Variants in PRC1 observed in about 807,000 individuals in gnomAD.
PRC1 encodes anaphase spindle elongation 1 homolog.
A neutral mutation model predicts 91.2 loss-of-function variants in PRC1; 54 were observed. The ratio of observed to expected loss-of-function variants is 0.59; its 90% CI spans 0.48 to 0.74. PRC1 has a LOEUF of 0.74. Among genes scored for constraint, PRC1 ranks in the 30% least tolerant of loss-of-function variants. PRC1 has a pLI of 0.00. For missense variants in PRC1, 727 were observed against 746.2 expected (o/e 0.97, Z 0.30); for synonymous variants, 275 against 263.6 (o/e 1.04, Z -0.42).
At position 90,981,928 on chromosome 15, in the gene PRC1, C is replaced by T. The variant is rs758321940; in HGVS notation, c.321G>A (p.Val107=). Residue 107 remains valine, a synonymous_variant, in exon 4 of 15, where the codon GTG becomes GTA. Coordinates refer to ENST00000394249, the MANE Select transcript of PRC1 (RefSeq NM_003981.4). ...LQLEKDLRTQ[V]ELMRKQKKER... is the part of the protein sequence containing the mutation. The stretch of plus-strand genomic sequence containing the variant: ...CCTTTTTCTGTTTTCGCATCAATTC[C>T]ACTTGGGTGCGCAAATCTTTTTCTA... The T allele has an allele frequency of 6.2e-7, 1 of 1,614,186 alleles. No homozygotes were observed. The highest frequency in any genetic ancestry group is 8.5e-7 in the Non-Finnish European group (1 of 1,180,046).
Position 90,966,484 on chromosome 15 carries a change from G to A in PRC1, c.*647C>T. 2.4e-6 allele frequency: 1 copy of A among 424,522 alleles called. No homozygotes were observed. Among genetic ancestry groups the A allele is most frequent in the Non-Finnish European group, 4.8e-6 (1 of 206,324 alleles). 26.3% of individuals were successfully genotyped at this position (424,522 alleles called of 1,614,324 possible). A position where few individuals can be genotyped will look rare whatever the true frequency, so the allele number is the denominator to read the frequency against. On this transcript the variant is annotated 3_prime_UTR_variant, in exon 15 of 15. Transcript: ENST00000394249. ...AAACGCCGAGAAAGCGTTCCGACAAGCATGTGTGTTCATACATGCATACCC... is the reference window on the plus strand; with the variant it reads ...AAACGCCGAGAAAGCGTTCCGACAAACATGTGTGTTCATACATGCATACCC...
At chr15:90,975,366 G>C (rs1010223196) in intron 9 of PRC1, among the ~76,000 whole-genome samples, 4 of 152,166 alleles carry the variant, frequency 2.6e-5, no homozygotes, top group African/African-American at 7.2e-5. Context: ...ACAGGAGTGA[G>C]ACACCACGCC....
rs961385424 is a variant in PRC1, at chr15:90,967,102, G to C, written c.*29C>G. On this transcript the variant is annotated 3_prime_UTR_variant, in exon 15 of 15. Coordinates refer to ENST00000394249, the MANE Select transcript of PRC1 (RefSeq NM_003981.4). ...ATTAGGTCCAGTCTAGGCACAGGAA[G>C]CCACAGCTGGTTGACTGATCAGGGC... 1 of 1,594,742 alleles carries C rather than the reference G, an allele frequency of 6.3e-7. No homozygotes were observed. The highest frequency in any genetic ancestry group is 1.3e-5 in the African/African-American group (1 of 74,634).
rs767534190 is a variant in PRC1 at position 90,969,508 on chromosome 15, G to A, written c.1688C>T (p.Ser563Leu). The A allele has an allele frequency of 1.4e-5, 23 of 1,612,996 alleles. No individual in the cohort carries two copies. Among genetic ancestry groups the A allele is most frequent in the Admixed American group, 3.3e-5 (2 of 59,890 alleles). The change falls in exon 13 of 15, where the codon TCG becomes TTG. Residue 563 changes from serine (S) to leucine (L), a missense_variant. Ser to Leu is a moderately radical substitution (Grantham distance 145). Coordinates refer to ENST00000394249, the MANE Select transcript of PRC1 (RefSeq NM_003981.4). The part of the protein sequence containing the change: ...GSILSGGYPG[S>L]APLQRNFSIN... The stretch of plus-strand genomic sequence containing the variant: ...GCTGAAGTTGCGCTGGAGGGGGGCC[G>A]AGCCAGGGTACCCACCACTCAGGAT...
intron 9 of PRC1, among the ~76,000 whole-genome samples, chr15:90,975,347 C>T (rs921953748): frequency 1.3e-5 from 2 of 151,998 alleles, no homozygotes; most frequent in Non-Finnish European, 2.9e-5. Flanking sequence ...CTCCCAAAGC[C>T]CTGGGATTAC....
At position 90,976,556 on chromosome 15, in the gene PRC1, T is replaced by C. The variant is rs1022919987; in HGVS notation, c.1203+120A>G. ...TTGCTTATACTAAATATATAACTTATTATCTCTGCCTAAGCTTTGAAGAAA... is the reference window on the plus strand; with the variant it reads ...TTGCTTATACTAAATATATAACTTACTATCTCTGCCTAAGCTTTGAAGAAA... On this transcript the variant is annotated intron_variant, in intron 9 of 14. Transcript: ENST00000394249. The C allele has an allele frequency of 1.1e-5, 9 of 822,720 alleles. No individual in the cohort carries two copies. In the Admixed American group the frequency reaches 2.0e-4, roughly 18 times the overall value. 51.0% of individuals were successfully genotyped at this position (822,720 alleles called of 1,614,324 possible).
chr15:90,968,475 G>A, intron 14 of PRC1: 1 of 985,572 alleles, frequency 1.0e-6, no homozygotes, highest in Non-Finnish European at 1.2e-6. Context: ...AGAAATCACA[G>A]ATTAAGTAAA....
At chr15:90,981,440 T>A in intron 5 of PRC1, 59 bp downstream of exon 5, 1 of 1,571,484 alleles carries the variant, frequency 6.4e-7, no homozygotes, top group Non-Finnish European at 8.7e-7. Context: ...CAGCTGTCAG[T>A]TTTGTTCAAA....
At chr15:90,968,004 C>G (rs1596267586) in intron 14 of PRC1, 1 of 985,218 alleles carries the variant, frequency 1.0e-6, no homozygotes, top group South Asian at 4.7e-5. Flanking sequence ...CATGGTAGAG[C>G]AGCAAAAGAT....
rs1408511025 is a variant in PRC1, at chr15:90,980,225, C to T, written c.970+17G>A. 6.3e-7 allele frequency: 1 copy of T among 1,581,954 alleles called. No homozygotes were observed. The highest frequency in any genetic ancestry group is 1.4e-5 in the African/African-American group (1 of 73,176). ...GTCTCCAAACAAACAAACCAAAGAC[C>T]TCACTCTTGTACTAACCAGCACAGA... is the stretch of plus-strand genomic sequence containing the variant. On this transcript the variant is annotated intron_variant, in intron 7 of 14. Transcript: ENST00000394249.
At chr15:90,972,859 G>C (rs561997073) in intron 11 of PRC1, 7 of 152,352 alleles carry the variant, frequency 4.6e-5, no homozygotes, top group African/African-American at 1.7e-4. Context: ...TGGTCTTACA[G>C]GGAAAATGGC....
At chr15:90,967,322 G>T (rs1413510640) in intron 14 of PRC1, 120 bp from the exon 15 acceptor site, 2 of 766,484 alleles carry the variant, frequency 2.6e-6, no homozygotes, top group Non-Finnish European at 4.5e-6. Flanking sequence ...GAGATCCCTA[G>T]CCTGCAATAG....
intron 1 of PRC1, among the ~76,000 whole-genome samples, chr15:90,994,041 G>T (rs2040142441): frequency 6.6e-6 from 1 of 152,196 alleles, no homozygotes; most frequent in South Asian, 2.1e-4. Flanking sequence ...CACCTGAGAC[G>T]CTGCGGGCGG....
chr15:90,979,934 G>C (rs16945120), intron 7 of PRC1, among the ~76,000 whole-genome samples: 3,482 of 152,328 alleles, frequency 0.023, 140 homozygotes, highest in African/African-American at 0.08. Flanking sequence ...CAGAAAGCAA[G>C]AGACCAATAT....
intron 7 of PRC1, 128 bp downstream of exon 7, chr15:90,980,114 G>A: frequency 1.7e-6 from 2 of 1,186,604 alleles, no homozygotes; most frequent in Non-Finnish European, 2.2e-6. Flanking sequence ...GGCTGGGTGT[G>A]GTGGCCCAAC....
intron 1 of PRC1, among the ~76,000 whole-genome samples, chr15:90,985,564 CT>C (rs71154157): frequency 0.41 from 55,870 of 134,808 alleles, 14,023 homozygotes; most frequent in African/African-American, 0.74. Flanking sequence ...TTTTTATTTT[CT>C]TTTTTTTTTT....
intron 6 of PRC1, 23 bp downstream of exon 6, chr15:90,980,861 C>T (rs1246767103): frequency 1.9e-6 from 3 of 1,614,058 alleles, no homozygotes; most frequent in South Asian, 1.1e-5. Flanking sequence ...GACTGCTGAC[C>T]CAGTACCCAC....
At chr15:90,978,061 T>C (rs1398777210) in intron 8 of PRC1, among the ~76,000 whole-genome samples, 2 of 152,240 alleles carry the variant, frequency 1.3e-5, no homozygotes, top group Non-Finnish European at 2.9e-5. Flanking sequence ...GAAGGCCCTC[T>C]GAGCTCTAAC....
intron 1 of PRC1, chr15:90,987,701 GC>G (rs1456741182): frequency 6.6e-6 from 1 of 152,102 alleles, no homozygotes; most frequent in African/African-American, 2.4e-5. Context: ...CTTCCAGTCG[GC>G]CGAGAAGCCT....
Sources: allele counts gnomAD v4.1 joint callset (sites outside exome capture counted in the v4.1 genomes callset), GRCh38; gene constraint gnomAD v4.1.1; transcripts MANE v1.5; gene names NCBI Gene and HGNC (gene_info 2026-07-23, HGNC 2026-07-21).